Variants in SAMD5 observed in about 807,000 individuals in gnomAD.
The protein encoded by SAMD5 is sterile alpha motif domain-containing protein 5.
SAMD5 carries 13 observed loss-of-function variants against 11.3 expected under a neutral mutation model. The ratio of observed to expected loss-of-function variants is 1.15; its 90% CI spans 0.75 to 1.83. SAMD5 has a LOEUF of 1.83. SAMD5 is among the 40% of genes most tolerant of loss of function. The pLI is 0.00. For synonymous variants in SAMD5, 129 were observed against 111.3 expected (o/e 1.16, Z -1.00); for missense variants, 255 against 239.1 (o/e 1.07, Z -0.44).
chr6:147,557,934 A>T (rs1256854997), intron 1 of SAMD5, among the ~76,000 whole-genome samples: 1 of 152,196 alleles, frequency 6.6e-6, no homozygotes, highest in Non-Finnish European at 1.5e-5. Flanking sequence ...GATCGCCATC[A>T]CATTGGCTTG....
chr6:147,769,194 G>A, the SAMD5 span, among the ~76,000 whole-genome samples: 1 of 152,284 alleles, frequency 6.6e-6, no homozygotes, highest in Admixed American at 6.5e-5. Context: ...ACTGTGCCTG[G>A]CCCTTTGTAG....
chr6:147,741,088 T>A (rs929265816), downstream of SAMD5, among the ~76,000 whole-genome samples: 1 of 152,222 alleles, frequency 6.6e-6, no homozygotes, highest in African/African-American at 2.4e-5. Flanking sequence ...CAGGTACTTC[T>A]TGAAAGGCAA....
chr6:147,853,003 G>A, the SAMD5 span, among the ~76,000 whole-genome samples: 9 of 152,220 alleles, frequency 5.9e-5, no homozygotes, highest in African/African-American at 9.6e-5. Context: ...ACTCACTTCC[G>A]GTTTACTGGT....
the SAMD5 span, among the ~76,000 whole-genome samples, chr6:147,835,468 T>C: frequency 6.6e-6 from 1 of 152,142 alleles, no homozygotes; most frequent in Non-Finnish European, 1.5e-5. Context: ...ACTCCATGAA[T>C]GCAGCCTCCA....
chr6:147,719,996 T>G (rs960918299), intron 1 of SAMD5, among the ~76,000 whole-genome samples: 59 of 152,356 alleles, frequency 3.9e-4, no homozygotes, highest in African/African-American at 1.3e-3. Flanking sequence ...GAAACATGGA[T>G]GTGCTTATAG....
At chr6:147,773,026 G>A in the SAMD5 span, among the ~76,000 whole-genome samples, 1 of 152,074 alleles carries the variant, frequency 6.6e-6, no homozygotes, top group African/African-American at 2.4e-5. Context: ...AGAGTCACAT[G>A]GCCATTGTCT....
At chr6:147,603,195 A>C (rs1170033290) in intron 1 of SAMD5, among the ~76,000 whole-genome samples, 1 of 152,188 alleles carries the variant, frequency 6.6e-6, no homozygotes, top group African/African-American at 2.4e-5. Flanking sequence ...TTTCAGGGTA[A>C]TTACAACAGA....
chr6:147,656,543 A>G (rs1014147431), intron 1 of SAMD5, among the ~76,000 whole-genome samples: 1 of 152,218 alleles, frequency 6.6e-6, no homozygotes, highest in Non-Finnish European at 1.5e-5. Flanking sequence ...GAAAAAATGA[A>G]CAAAAACTTT....
At chr6:147,933,583 T>G in the SAMD5 span, among the ~76,000 whole-genome samples, 1 of 152,210 alleles carries the variant, frequency 6.6e-6, no homozygotes, top group South Asian at 2.1e-4. Context: ...TGTCTTCATT[T>G]GTAAAAGGAT....
intron 1 of SAMD5, among the ~76,000 whole-genome samples, chr6:147,652,161 T>A (rs1790494844): frequency 6.6e-6 from 1 of 152,234 alleles, no homozygotes; most frequent in African/African-American, 2.4e-5. Flanking sequence ...CCACTGTAAC[T>A]GCAAATATAC....
chr6:147,649,444 T>C (rs1790451424), intron 1 of SAMD5, among the ~76,000 whole-genome samples: 1 of 152,188 alleles, frequency 6.6e-6, no homozygotes, highest in Admixed American at 6.5e-5. Context: ...AATAGCTTCA[T>C]TATTTTTATA....
At chr6:147,698,545 C>G (rs1791210995) in intron 1 of SAMD5, among the ~76,000 whole-genome samples, 1 of 152,196 alleles carries the variant, frequency 6.6e-6, no homozygotes. Context: ...CCCTAGTACT[C>G]TGAGCACACT....
chr6:147,728,290 T>C (rs911904239), intron 1 of SAMD5, among the ~76,000 whole-genome samples: 2 of 152,132 alleles, frequency 1.3e-5, no homozygotes, highest in Non-Finnish European at 2.9e-5. Context: ...CGGTCTTGTA[T>C]GCGTGTAATC....
chr6:147,696,478 C>T (rs1315954898), intron 1 of SAMD5, among the ~76,000 whole-genome samples: 3 of 152,170 alleles, frequency 2.0e-5, no homozygotes, highest in Non-Finnish European at 4.4e-5. Flanking sequence ...CCTCCCTGGT[C>T]ACCACAAGCC....
At chr6:147,922,840 G>A in the SAMD5 span, among the ~76,000 whole-genome samples, 2 of 152,150 alleles carry the variant, frequency 1.3e-5, no homozygotes, top group African/African-American at 2.4e-5. Context: ...GTGAAGGAGT[G>A]TGTAATAATG....
the SAMD5 span, among the ~76,000 whole-genome samples, chr6:147,927,696 T>A: frequency 6.6e-6 from 1 of 152,146 alleles, no homozygotes; most frequent in Non-Finnish European, 1.5e-5. Context: ...GGATTTCCAA[T>A]GCAATGTAGA....
the SAMD5 span, among the ~76,000 whole-genome samples, chr6:147,852,212 TATA>T: frequency 6.6e-6 from 1 of 152,140 alleles, no homozygotes; most frequent in Non-Finnish European, 1.5e-5. Context: ...ATCTGGCATA[TATA>T]ATGTTTCCAT....
the SAMD5 span, among the ~76,000 whole-genome samples, chr6:147,790,253 T>C: frequency 1.8e-4 from 27 of 152,248 alleles, no homozygotes; most frequent in Admixed American, 1.6e-3. Flanking sequence ...AAATGGGCTA[T>C]TCAGCCATCC....
At chr6:147,515,152 T>C (rs1788144771) in intron 1 of SAMD5, among the ~76,000 whole-genome samples, 1 of 143,914 alleles carries the variant, frequency 6.9e-6, no homozygotes, top group South Asian at 2.4e-4. Context: ...TGTCCTCAAA[T>C]ACCCTCAACC....
Sources: gnomAD v4.1 joint callset for allele counts (sites outside exome capture counted in the v4.1 genomes callset) on GRCh38, gnomAD v4.1.1 for gene constraint, MANE v1.5 for transcripts, NCBI Gene and HGNC (gene_info 2026-07-23, HGNC 2026-07-21) for gene names.